The following VPS41 variants were observed in gnomAD, a reference collection of about 807,000 sequenced individuals.
VPS41 encodes the protein VPS41 subunit of HOPS complex.
Under a neutral mutation model 130.9 loss-of-function variants are expected in VPS41, and 85 were observed. That is an observed-to-expected ratio of 0.65 (90% CI 0.55 to 0.78). VPS41 has a LOEUF of 0.78. Ranked by LOEUF, VPS41 falls within the 30% of genes least tolerant of loss-of-function variation. The pLI, the probability that VPS41 is intolerant of heterozygous loss-of-function variation, is 0.00. For missense variants in VPS41, 874 were observed against 1,018.7 expected (o/e 0.86, Z 1.93); for synonymous variants, 335 against 332.9 (o/e 1.01, Z -0.07).
rs1786717871 is a variant in VPS41 at position 38,885,896 on chromosome 7, A to G, written c.60+12195T>C. Among the ~76,000 whole-genome samples, 6 of 152,306 alleles carry G rather than the reference A, an allele frequency of 3.9e-5. 1 individual carries two copies. Among genetic ancestry groups the G allele is most frequent in the Admixed American group, 3.9e-4 (6 of 15,304 alleles). ...CTAGAAAATACAATAACCAAAAGAC[A>G]TAACTCACTGGATGGGCTCAATAAC... On this transcript the variant is annotated intron_variant, in intron 2 of 28. Coordinates refer to ENST00000310301, the MANE Select transcript of VPS41 (RefSeq NM_014396.4).
intron 2 of VPS41, among the ~76,000 whole-genome samples, chr7:38,886,442 G>A (rs548156014): frequency 6.6e-6 from 1 of 152,196 alleles, no homozygotes; most frequent in African/African-American, 2.4e-5. Flanking sequence ...GAGCTTGGTG[G>A]GGGGAGGGGT....
At chr7:38,858,607 T>C (rs1164000768) in intron 4 of VPS41, among the ~76,000 whole-genome samples, 1 of 152,144 alleles carries the variant, frequency 6.6e-6, no homozygotes, top group Non-Finnish European at 1.5e-5. Flanking sequence ...TTCCTAAACA[T>C]TTAAATAAAA....
chr7:38,752,990 C>T (rs2115708765), intron 21 of VPS41, among the ~76,000 whole-genome samples: 1 of 152,230 alleles, frequency 6.6e-6, no homozygotes, highest in Non-Finnish European at 1.5e-5. Context: ...AAACTGATTC[C>T]TTACCTTAGC....
chr7:38,842,797 T>C (rs1282920820), intron 4 of VPS41, among the ~76,000 whole-genome samples: 3 of 152,250 alleles, frequency 2.0e-5, no homozygotes, highest in Admixed American at 2.0e-4. Flanking sequence ...ACTTCCTTTC[T>C]GCAGGATGGC....
intron 14 of VPS41, 70 bp from the exon 15 acceptor site, chr7:38,767,668 G>A: frequency 8.8e-7 from 1 of 1,136,818 alleles, no homozygotes; most frequent in Non-Finnish European, 1.3e-6. Context: ...CTCGGTTTCT[G>A]CACAGGGCAT....
intron 28 of VPS41, 107 bp from the exon 29 acceptor site, chr7:38,726,433 T>A: frequency 1.3e-6 from 1 of 795,280 alleles, no homozygotes; most frequent in Non-Finnish European, 2.1e-6. Flanking sequence ...GAGGAAGTAA[T>A]AGGATGGCAC....
intron 2 of VPS41, among the ~76,000 whole-genome samples, chr7:38,877,141 C>T (rs953812121): frequency 6.6e-6 from 1 of 152,092 alleles, no homozygotes; most frequent in Non-Finnish European, 1.5e-5. Context: ...CTTCACCTAA[C>T]AGAACTGTGG....
At chr7:38,780,301 C>T (rs1784333825) in intron 10 of VPS41, among the ~76,000 whole-genome samples, 2 of 151,460 alleles carry the variant, frequency 1.3e-5, no homozygotes, top group Non-Finnish European at 2.9e-5. Flanking sequence ...GCTCAGCTCG[C>T]GGGCCCTGCA....
intron 19 of VPS41, 110 bp from the exon 20 acceptor site, chr7:38,755,046 T>C: frequency 2.1e-6 from 2 of 966,634 alleles, no homozygotes; most frequent in South Asian, 1.5e-5. Flanking sequence ...GCTTATTTTG[T>C]ATACTTAAGG....
At chr7:38,778,990 AAGAC>A (rs1169576958) in intron 10 of VPS41, among the ~76,000 whole-genome samples, 2 of 152,218 alleles carry the variant, frequency 1.3e-5, no homozygotes, top group African/African-American at 4.8e-5. Context: ...TTGTATGAGT[AAGAC>A]AGAAAATTTC....
At chr7:38,901,162 T>C (rs976360461) in intron 1 of VPS41, among the ~76,000 whole-genome samples, 53 of 152,318 alleles carry the variant, frequency 3.5e-4, no homozygotes, top group African/African-American at 1.2e-3. Context: ...ATTCCACTTA[T>C]ATAACACAGA....
intron 24 of VPS41, 143 bp from the exon 25 acceptor site, chr7:38,742,264 AT>A: frequency 1.3e-6 from 1 of 749,740 alleles, no homozygotes; most frequent in South Asian, 2.2e-5. Flanking sequence ...TGTTAAAACC[AT>A]TTGAATTTCT....
chr7:38,761,317 C>T (rs1158766900), intron 17 of VPS41, among the ~76,000 whole-genome samples: 3 of 130,900 alleles, frequency 2.3e-5, no homozygotes, highest in African/African-American at 8.6e-5. Context: ...GCTCTGTCGC[C>T]CAGGCTGGAG....
chr7:38,789,846 G>T lies in VPS41; in HGVS notation c.739C>A (p.His247Asn). 6.2e-7 allele frequency: 1 copy of T among 1,613,736 alleles called. No individual in the cohort carries two copies. Among genetic ancestry groups the T allele is most frequent in the Non-Finnish European group, 8.5e-7 (1 of 1,179,708 alleles). ...GGCAAATCCCTCATTTCACTGGCAT[G>T]CCGTTCCTTCACTGAGCACACCTGG... The part of the protein sequence containing the change: ...SVKVCSVKER[H>N]ASEMRDLPSR... Residue 247 changes from histidine (H) to asparagine (N), a missense_variant, in exon 10 of 29, where the codon CAT (histidine) becomes AAT (asparagine). His to Asn is a moderately conservative substitution (Grantham distance 68). Coordinates refer to ENST00000310301, the MANE Select transcript of VPS41 (RefSeq NM_014396.4).
At chr7:38,827,144 A>G (rs1197300237) in intron 5 of VPS41, among the ~76,000 whole-genome samples, 2 of 152,212 alleles carry the variant, frequency 1.3e-5, no homozygotes, top group Non-Finnish European at 2.9e-5. Context: ...AAAAAATTAA[A>G]TATATATCAG....
intron 4 of VPS41, among the ~76,000 whole-genome samples, chr7:38,853,428 A>AG (rs1205411287): frequency 6.6e-6 from 1 of 151,288 alleles, no homozygotes; most frequent in African/African-American, 2.4e-5. Context: ...CAAAAAAAAA[A>AG]AAAAAAAAAA....
intron 5 of VPS41, among the ~76,000 whole-genome samples, chr7:38,829,716 C>T (rs750427231): frequency 8.5e-5 from 13 of 152,182 alleles, no homozygotes; most frequent in Non-Finnish European, 1.6e-4. Flanking sequence ...AAGTAGGCGC[C>T]AGGTTTTTAG....
chr7:38,849,408 A>G (rs1785800969), intron 4 of VPS41, among the ~76,000 whole-genome samples: 1 of 152,198 alleles, frequency 6.6e-6, no homozygotes, highest in Non-Finnish European at 1.5e-5. Flanking sequence ...GGCTTTCTGT[A>G]TCCTAGGGTT....
chr7:38,855,770 G>A (rs1282100577), intron 4 of VPS41, among the ~76,000 whole-genome samples: 2 of 152,104 alleles, frequency 1.3e-5, no homozygotes, highest in Non-Finnish European at 2.9e-5. Context: ...AAACTTTGAT[G>A]ACTTTATACA....
Sources: allele counts gnomAD v4.1 joint callset (sites outside exome capture counted in the v4.1 genomes callset), GRCh38; gene constraint gnomAD v4.1.1; transcripts MANE v1.5; gene names NCBI Gene and HGNC (gene_info 2026-07-23, HGNC 2026-07-21).